The following MCF2 variants were observed in gnomAD, a reference collection of about 807,000 sequenced individuals.
MCF2 encodes the protein proto-oncogene DBL.
A neutral mutation model predicts 82.5 loss-of-function variants in MCF2; 44 were observed. The observed-to-expected ratio is 0.53, with a 90% CI of 0.42 to 0.69. The LOEUF is 0.69. Among genes scored for constraint, MCF2 ranks in the 30% least tolerant of loss-of-function variants. MCF2 has a pLI of 0.00. For missense variants in MCF2, 623 were observed against 663.1 expected, an observed-to-expected ratio of 0.94 and a Z score of 0.66; for synonymous variants, 217 against 224.9, an observed-to-expected ratio of 0.96 and a Z score of 0.32.
intron 1 of MCF2, among the ~76,000 whole-genome samples, chrX:139,688,069 C>G (rs1935170648): frequency 9.0e-6 from 1 of 111,491 alleles, no homozygotes; most frequent in Non-Finnish European, 1.9e-5. Context: ...AAATTAACAG[C>G]AGCAAAAAAT....
rs768527094 is a variant in MCF2 at position 139,619,545 on chromosome X, T to C, written c.807+42A>G. ...ACCTACTCCCGCCAAAACATGACTA[T>C]TATACTGTATAATATAGCAGACATC... is the stretch of plus-strand genomic sequence containing the variant. On this transcript the variant is annotated intron_variant, in intron 7 of 24. Coordinates refer to ENST00000370576, the Ensembl canonical transcript of MCF2. The C allele has an allele frequency of 1.5e-5, 15 of 1,027,129 alleles. No individual in the cohort carries two copies. In the Admixed American group the frequency reaches 3.8e-4, roughly 26 times the overall value. 84.6% of individuals were successfully genotyped at this position (1,027,129 alleles called of 1,213,427 possible).
intron 6 of MCF2, among the ~76,000 whole-genome samples, chrX:139,620,708 T>A (rs1932284989): frequency 9.0e-6 from 1 of 111,314 alleles, no homozygotes; most frequent in Admixed American, 9.6e-5. Flanking sequence ...CTGAAATAGA[T>A]CATACATGAC....
At chrX:139,693,642 G>T (rs1935324077) in intron 1 of MCF2, among the ~76,000 whole-genome samples, 2 of 111,688 alleles carry the variant, frequency 1.8e-5, no homozygotes, top group Non-Finnish European at 3.8e-5. Flanking sequence ...CAGAATGTTT[G>T]CCAGCCTCTC....
intron 1 of MCF2, among the ~76,000 whole-genome samples, chrX:139,697,949 G>A (rs915195543): frequency 9.0e-6 from 1 of 111,643 alleles, no homozygotes; most frequent in Non-Finnish European, 1.9e-5. Flanking sequence ...AGACCAGCCT[G>A]AGCAACAAAG....
intron 1 of MCF2, among the ~76,000 whole-genome samples, chrX:139,665,691 A>G (rs987658875): frequency 9.2e-6 from 1 of 108,721 alleles, no homozygotes; most frequent in South Asian, 4.1e-4. Context: ...TTATGTAGAT[A>G]GTTGTTGAAT....
intron 6 of MCF2, among the ~76,000 whole-genome samples, chrX:139,619,934 G>A (rs777831229): frequency 7.0e-4 from 75 of 107,492 alleles, no homozygotes; most frequent in Non-Finnish European, 1.2e-3. Context: ...GTGTAGGTTC[G>A]TATATGAGGA....
intron 7 of MCF2, among the ~76,000 whole-genome samples, chrX:139,619,127 A>G (rs1400648247): frequency 9.0e-6 from 1 of 111,090 alleles, no homozygotes; most frequent in African/African-American, 3.3e-5. Context: ...AGCACCATAT[A>G]TCATTCTTCA....
chrX:139,658,680 T>G (rs1001843104), intron 1 of MCF2, among the ~76,000 whole-genome samples: 7 of 96,254 alleles, frequency 7.3e-5, no homozygotes, highest in South Asian at 5.4e-4. Flanking sequence ...TTTTTTTTTT[T>G]TTTTTTTTTT....
chrX:139,696,143 C>T (rs771840995), intron 1 of MCF2, among the ~76,000 whole-genome samples: 2 of 111,111 alleles, frequency 1.8e-5, no homozygotes, highest in Non-Finnish European at 3.8e-5. Flanking sequence ...TAAGGATAAA[C>T]CAGCCTTATA....
chrX:139,584,128 C>CTTTTTTTTT (rs1163854425), intron 24 of MCF2, among the ~76,000 whole-genome samples: 1 of 72,642 alleles, frequency 1.4e-5, no homozygotes, highest in African/African-American at 5.7e-5. Context: ...TGCCATTATC[C>CTTTTTTTTT]TTTTTTTTTT....
intron 19 of MCF2, among the ~76,000 whole-genome samples, chrX:139,592,180 T>G (rs113882811): frequency 0.025 from 2,749 of 111,079 alleles, 41 homozygotes; most frequent in East Asian, 0.082. Context: ...TTAAGGATAC[T>G]TGGCATTACT....
exon 19 of MCF2, chrX:139,596,697 G>A: frequency 8.3e-7 from 1 of 1,209,551 alleles, no homozygotes; most frequent in Non-Finnish European, 1.1e-6. Context: ...CATTTTTGTA[G>A]CACCTTTCTT....
chrX:139,641,823 A>G (rs1357043877), intron 1 of MCF2, among the ~76,000 whole-genome samples: 1 of 111,542 alleles, frequency 9.0e-6, no homozygotes, highest in African/African-American at 3.3e-5. Context: ...TTTAGGCAAA[A>G]GACTGCATGA....
rs777843125 is a variant in MCF2, at chrX:139,614,931, G to A, written c.1313C>T (p.Thr438Ile). 7 of 1,210,109 alleles carry A rather than the reference G, an allele frequency of 5.8e-6. No individual in the cohort carries two copies. The East Asian group carries it at 8.9e-5, about 15-fold the overall frequency. ...CCCAGATGTGACCAAATTTTCAGGT[G>A]TGGGTACCACAAATTGGATTGGCCT... Residue 438 changes from threonine to isoleucine, a missense_variant, in exon 10 of 25, where the codon ACA (threonine) becomes ATA (isoleucine). Coordinates refer to ENST00000370576, the Ensembl canonical transcript of MCF2.
At chrX:139,631,561 C>G in intron 2 of MCF2, 50 bp from the exon 6 acceptor site, 1 of 709,572 alleles carries the variant, frequency 1.4e-6, no homozygotes. Flanking sequence ...CATGCCATCC[C>G]TCCATTAAAC....
chrX:139,697,873 C>T (rs971143124), intron 1 of MCF2, among the ~76,000 whole-genome samples: 6 of 112,497 alleles, frequency 5.3e-5, no homozygotes, highest in Non-Finnish European at 9.4e-5. Flanking sequence ...GACGCGGTGG[C>T]TCACGCCTGT....
intron 1 of MCF2, among the ~76,000 whole-genome samples, chrX:139,639,516 G>C (rs368470103): frequency 1.5e-4 from 17 of 110,853 alleles, no homozygotes; most frequent in African/African-American, 5.2e-4. Context: ...TCAAGGTAAC[G>C]AGCACAAAAT....
chrX:139,670,513 C>T (rs867378827), intron 1 of MCF2, among the ~76,000 whole-genome samples: 4 of 110,136 alleles, frequency 3.6e-5, no homozygotes, highest in African/African-American at 1.3e-4. Flanking sequence ...TGCCCTGTGT[C>T]CAAGTGTTCT....
At chrX:139,625,111 G>C (rs1025790096) in intron 6 of MCF2, among the ~76,000 whole-genome samples, 1 of 110,602 alleles carries the variant, frequency 9.0e-6, no homozygotes, top group East Asian at 2.8e-4. Flanking sequence ...AGAACTTGTC[G>C]ACATGTCACT....
Sources: gnomAD v4.1 joint callset for allele counts (sites outside exome capture counted in the v4.1 genomes callset) on GRCh38, gnomAD v4.1.1 for gene constraint, MANE v1.5 for transcripts, NCBI Gene and HGNC (gene_info 2026-07-23, HGNC 2026-07-21) for gene names.